NKAIN2: variants seen among roughly 807,000 people sequenced by gnomAD.
NKAIN2 encodes sodium/potassium-transporting ATPase subunit beta-1-interacting protein 2.
A neutral mutation model predicts 32.6 loss-of-function variants in NKAIN2; 14 were observed. The ratio of observed to expected loss-of-function variants is 0.43; its 90% CI spans 0.28 to 0.67. The LOEUF is 0.67. Among genes scored for constraint, NKAIN2 ranks in the 30% least tolerant of loss-of-function variants. The probability of loss-of-function intolerance (pLI) is 0.17; values close to 1 mark genes in which losing one functional copy is unlikely to be tolerated. For missense variants in NKAIN2, 198 were observed against 258.3 expected, an observed-to-expected ratio of 0.77 and a Z score of 1.60; for synonymous variants, 80 against 87.2, an observed-to-expected ratio of 0.92 and a Z score of 0.46.
intron 1 of NKAIN2, among the ~76,000 whole-genome samples, chr6:123,937,469 A>G (rs139996508): frequency 6.6e-6 from 1 of 152,200 alleles, no homozygotes; most frequent in East Asian, 1.9e-4. Flanking sequence ...CCATGCATTG[A>G]CACTTATTTG....
At position 124,231,266 on chromosome 6, in the gene NKAIN2, T is replaced by A. The variant is rs566956799; in HGVS notation, c.55-51739T>A. On this transcript the variant is annotated intron_variant, in intron 1 of 6. Coordinates refer to ENST00000368417, the MANE Select transcript of NKAIN2 (RefSeq NM_001040214.3). Reference sequence around the variant, plus strand: ...ACCCAATGCCTGCATCCCCATTGTATCTAGGAAGTAACTAACTTGCTTTTG... The same window carrying A: ...ACCCAATGCCTGCATCCCCATTGTAACTAGGAAGTAACTAACTTGCTTTTG... 8.8e-4 allele frequency among the ~76,000 whole-genome samples: 134 copies of A among 152,216 alleles called. 2 individuals are homozygous for A. The highest frequency in any genetic ancestry group is 8.5e-4 in the Non-Finnish European group (58 of 68,032).
At chr6:123,844,011 C>T (rs117140751) in intron 1 of NKAIN2, among the ~76,000 whole-genome samples, 3,634 of 152,212 alleles carry the variant, frequency 0.024, 72 homozygotes, top group Middle Eastern at 0.041. Context: ...AGATAAGTTC[C>T]GCTTTGGAGG....
At chr6:124,623,808 T>C (rs1208412443) in intron 3 of NKAIN2, among the ~76,000 whole-genome samples, 1 of 152,206 alleles carries the variant, frequency 6.6e-6, no homozygotes, top group African/African-American at 2.4e-5. Context: ...ACATGCTTCC[T>C]GATGTAGAAG....
intron 3 of NKAIN2, among the ~76,000 whole-genome samples, chr6:124,652,722 A>G (rs1784407762): frequency 6.6e-6 from 1 of 152,168 alleles, no homozygotes; most frequent in African/African-American, 2.4e-5. Flanking sequence ...AAGGGCACAG[A>G]GAGTGCAAGA....
At chr6:123,905,239 C>A (rs1335212366) in intron 1 of NKAIN2, among the ~76,000 whole-genome samples, 3 of 151,850 alleles carry the variant, frequency 2.0e-5, no homozygotes, top group Non-Finnish European at 4.4e-5. Flanking sequence ...GCACAGCAAG[C>A]AAAACGAACT....
rs372984621 is a variant in NKAIN2 at position 124,822,171 on chromosome 6, A to G, written c.618-1049A>G. On this transcript the variant is annotated intron_variant, in intron 6 of 6. Coordinates refer to ENST00000368417, the MANE Select transcript of NKAIN2 (RefSeq NM_001040214.3). ...AAGGGCCTTTTCAACTTCATAGCCC[A>G]CAAGACCAATCATCTGAGAGCCACT... 2.0e-4 allele frequency among the ~76,000 whole-genome samples: 30 copies of G among 152,290 alleles called. No individual in the cohort carries two copies. The East Asian group carries it at 3.7e-3, about 19-fold the overall frequency.
chr6:124,777,669 G>A (rs890803471), intron 4 of NKAIN2, among the ~76,000 whole-genome samples: 1 of 152,128 alleles, frequency 6.6e-6, no homozygotes, highest in Non-Finnish European at 1.5e-5. Flanking sequence ...ATATAACTTG[G>A]AATAGTGAAG....
intron 5 of NKAIN2, chr6:124,804,555 G>C (rs1258661422): frequency 4.5e-6 from 1 of 222,182 alleles, no homozygotes; most frequent in Non-Finnish European, 7.6e-6. Context: ...ACAGCTCCCA[G>C]CGTGAGCGAC....
At chr6:124,609,059 G>A (rs929214275) in intron 3 of NKAIN2, among the ~76,000 whole-genome samples, 3 of 152,192 alleles carry the variant, frequency 2.0e-5, no homozygotes, top group African/African-American at 7.2e-5. Context: ...GGAAACCTCA[G>A]TGTCCATGAA....
chr6:124,722,658 T>A (rs1776080868), intron 4 of NKAIN2, among the ~76,000 whole-genome samples: 1 of 152,156 alleles, frequency 6.6e-6, no homozygotes, highest in African/African-American at 2.4e-5. Context: ...AATGCTCCCT[T>A]GCCTGCTGCT....
chr6:124,284,029 C>T (rs1177885559), intron 2 of NKAIN2, among the ~76,000 whole-genome samples: 3 of 146,194 alleles, frequency 2.1e-5, no homozygotes, highest in East Asian at 2.1e-4. Context: ...GACCTGTTCT[C>T]TCCATCATCT....
At chr6:124,559,025 T>G (rs1780585094) in intron 3 of NKAIN2, among the ~76,000 whole-genome samples, 1 of 152,022 alleles carries the variant, frequency 6.6e-6, no homozygotes, top group African/African-American at 2.4e-5. Context: ...ATTTAATCAT[T>G]TAAGGTACCT....
chr6:124,634,996 GA>G (rs1047736579), intron 3 of NKAIN2, among the ~76,000 whole-genome samples: 1 of 136,428 alleles, frequency 7.3e-6, no homozygotes, highest in Middle Eastern at 3.6e-3. Context: ...AAGAGAGAAA[GA>G]AAAAAGAAAA....
chr6:124,064,274 G>A (rs543856137), intron 1 of NKAIN2, among the ~76,000 whole-genome samples: 4 of 151,974 alleles, frequency 2.6e-5, no homozygotes, highest in Non-Finnish European at 5.9e-5. Flanking sequence ...TTCACATATA[G>A]AGTAATATTT....
At chr6:124,118,814 T>C (rs539714033) in intron 1 of NKAIN2, among the ~76,000 whole-genome samples, 1 of 152,208 alleles carries the variant, frequency 6.6e-6, no homozygotes, top group South Asian at 2.1e-4. Context: ...AGTAAATATT[T>C]TGGTTTTGGA....
chr6:124,098,222 G>T (rs954816265), intron 1 of NKAIN2, among the ~76,000 whole-genome samples: 3 of 152,110 alleles, frequency 2.0e-5, no homozygotes, highest in African/African-American at 4.8e-5. Context: ...ATCCTTATTA[G>T]ACTTTAATTA....
intron 3 of NKAIN2, among the ~76,000 whole-genome samples, chr6:124,623,257 T>G (rs902979972): frequency 1.3e-5 from 2 of 152,090 alleles, no homozygotes; most frequent in African/African-American, 2.4e-5. Context: ...GTGATATCAT[T>G]CACCTCAGAA....
intron 1 of NKAIN2, among the ~76,000 whole-genome samples, chr6:123,867,740 C>T (rs1772612300): frequency 6.6e-6 from 1 of 152,160 alleles, no homozygotes; most frequent in Non-Finnish European, 1.5e-5. Flanking sequence ...ATTTCCTCTT[C>T]TCTGAATCTT....
chr6:123,926,503 G>A (rs1776011493), intron 1 of NKAIN2, among the ~76,000 whole-genome samples: 1 of 151,496 alleles, frequency 6.6e-6, no homozygotes, highest in Non-Finnish European at 1.5e-5. Flanking sequence ...TCCTACTGCA[G>A]TGTTCCCCAG....
Sources: gnomAD v4.1 joint callset for allele counts (sites outside exome capture counted in the v4.1 genomes callset) on GRCh38, gnomAD v4.1.1 for gene constraint, MANE v1.5 for transcripts, NCBI Gene and HGNC (gene_info 2026-07-23, HGNC 2026-07-21) for gene names.